Variants in SLC4A2 observed in about 807,000 individuals in gnomAD.
SLC4A2 encodes solute carrier family 4 member 2, also known as anion exchange protein 2.
In SLC4A2, 36 loss-of-function variants were observed where a neutral mutation model predicts 115.0. The ratio of observed to expected loss-of-function variants is 0.31; its 90% CI spans 0.24 to 0.41. The LOEUF (loss-of-function observed/expected upper bound fraction) is 0.41, where lower values mean the gene tolerates loss of function less well. Among genes scored for constraint, SLC4A2 ranks in the 10% least tolerant of loss-of-function variants. The probability of loss-of-function intolerance (pLI) is 1.00; values close to 1 mark genes in which losing one functional copy is unlikely to be tolerated. For missense variants in SLC4A2, 1,252 were observed against 1,705.6 expected, an observed-to-expected ratio of 0.73 and a Z score of 4.68; for synonymous variants, 708 against 708.3, an observed-to-expected ratio of 1.00 and a Z score of 0.01.
In SLC4A2 at chr7:151,074,798, A is replaced by G. The variant is rs373144126; in HGVS notation, c.3004A>G (p.Ile1002Val). Residue 1002 changes from isoleucine to valine, a missense_variant, in exon 19 of 23, where the codon ATC becomes GTC. This residue lies in a region of SLC4A2 where 253 missense variants were observed against 407.4 expected (regional missense o/e 0.62). Transcript: ENST00000413384. ...WMMVASLLPA[I>V]LVFILIFMET... Reference sequence around the variant, plus strand: ...GATGGTTGCCAGCCTGCTGCCCGCCATCCTGGTCTTCATTCTCATCTTCAT... The same window carrying G: ...GATGGTTGCCAGCCTGCTGCCCGCCGTCCTGGTCTTCATTCTCATCTTCAT... The G allele has an allele frequency of 1.7e-5, 28 of 1,613,374 alleles. No individual in the cohort carries two copies. Among genetic ancestry groups the G allele is most frequent in the East Asian group, 8.9e-5 (4 of 44,874 alleles).
At chr7:151,075,978 G>A (rs1000073954) in intron 21 of SLC4A2, 35 bp from the exon 22 acceptor site, 10 of 1,550,722 alleles carry the variant, frequency 6.4e-6, no homozygotes, top group Non-Finnish European at 8.7e-6. Context: ...AGCAGGCTAG[G>A]GAGGAAGCTG....
chr7:151,063,192 GGGGGCTGTGGGGGTGGGGTGAGGGGT>G, intron 2 of SLC4A2: 1 of 1,441,424 alleles, frequency 6.9e-7, no homozygotes, highest in Non-Finnish European at 9.1e-7. Context: ...TGACTCAGGT[GGGGGCTGTGGGGGTGGGGTGAGGGGT>G]GGGGCTAGGG....
chr7:151,067,858 C>T lies in SLC4A2; in HGVS notation c.967-16C>T. ...CCGGCTCTGTACCCTGAAATGCCTTCTCTTCTCTCCCCAAGGTGTTTGTGG... is the reference window on the plus strand; with the variant it reads ...CCGGCTCTGTACCCTGAAATGCCTTTTCTTCTCTCCCCAAGGTGTTTGTGG... On this transcript the variant is annotated splice_polypyrimidine_tract_variant and intron_variant, in intron 7 of 22. Transcript: ENST00000413384. 6.2e-7 allele frequency: 1 copy of T among 1,611,534 alleles called. No individual in the cohort carries two copies. The highest frequency in any genetic ancestry group is 8.5e-7 in the Non-Finnish European group (1 of 1,179,158).
At chr7:151,061,072 ACAGT>A (rs2150364686) in intron 1 of SLC4A2, 3 of 151,786 alleles carry the variant, frequency 2.0e-5, no homozygotes, top group African/African-American at 7.3e-5. Flanking sequence ...CCCTACAGTC[ACAGT>A]CAGGAGGGTG....
At position 151,075,798 on chromosome 7, in the gene SLC4A2, G is replaced by A. The variant is rs746854601; in HGVS notation, c.3471+23G>A. ...AAGGTGAGCCCCCCAGCTCCCCACC[G>A]GAAGGGGTGTGCCTCTGGCCATCCT... On this transcript the variant is annotated intron_variant, in intron 21 of 22. Coordinates refer to ENST00000413384, the MANE Select transcript of SLC4A2 (RefSeq NM_003040.4). 2.8e-5 allele frequency: 44 copies of A among 1,591,898 alleles called. 1 individual carries two copies. Among genetic ancestry groups the A allele is most frequent in the Admixed American group, 6.8e-5 (4 of 58,928 alleles).
At chr7:151,073,872 G>A in intron 16 of SLC4A2, 167 bp from the exon 17 acceptor site, 1 of 724,262 alleles carries the variant, frequency 1.4e-6, no homozygotes, top group South Asian at 1.9e-5. Flanking sequence ...ACACTGCCCT[G>A]TGCTCACAGC....
In SLC4A2 at chr7:151,070,732, G is replaced by A. The variant is rs377555520; in HGVS notation, c.1570G>A (p.Val524Met). 1.5e-5 allele frequency: 25 copies of A among 1,613,170 alleles called. No homozygotes were observed. The highest frequency in any genetic ancestry group is 8.3e-5 in the Admixed American group (5 of 60,002). Residue 524 changes from valine (V) to methionine (M), a missense_variant, in exon 12 of 23, where the codon GTG becomes ATG. Transcript: ENST00000413384. ...AEATVVLVGC[V>M]EFLSRPTMAF... ...CGATGGTCCCACGCCCCTAGGCTGC[G>A]TGGAGTTCCTCTCCCGCCCCACCAT...
chr7:151,069,853 C>T (rs1797369894), intron 8 of SLC4A2, 94 bp from the exon 9 acceptor site: 2 of 1,504,942 alleles, frequency 1.3e-6, no homozygotes, highest in Non-Finnish European at 1.8e-6. Flanking sequence ...CCCCGGCACC[C>T]ACCCACCTGT....
intron 8 of SLC4A2, among the ~76,000 whole-genome samples, chr7:151,069,619 G>A (rs574857694): frequency 2.6e-5 from 4 of 152,276 alleles, no homozygotes; most frequent in African/African-American, 9.6e-5. Flanking sequence ...CAGAGTGGGC[G>A]GCCTGGACCG....
intron 2 of SLC4A2, among the ~76,000 whole-genome samples, chr7:151,063,882 C>G (rs1204202736): frequency 6.6e-6 from 1 of 152,130 alleles, no homozygotes; most frequent in Non-Finnish European, 1.5e-5. Flanking sequence ...GTGTCCGCCA[C>G]CACGCCTGGC....
At position 151,064,908 on chromosome 7, in the gene SLC4A2, C is replaced by T. The variant is rs1279269694; in HGVS notation, c.520C>T (p.Pro174Ser). 3 of 1,613,870 alleles carry T rather than the reference C, an allele frequency of 1.9e-6. No individual in the cohort carries two copies. The highest frequency in any genetic ancestry group is 2.5e-6 in the Non-Finnish European group (3 of 1,179,996). The change falls in exon 5 of 23, where the codon CCT becomes TCT. Residue 174 changes from proline to serine, a missense_variant. This residue lies in a region of SLC4A2 where 215 missense variants were observed against 205.2 expected (regional missense o/e 1.05). Transcript: ENST00000413384. ...GGCAGAGAGGACCAGTCCATCTTCC[C>T]CTGCACCACTGCCCCACCAGGAGGC... ...RKAERTSPSSPAPLPHQEATP... is the reference protein window; with the variant it reads ...RKAERTSPSSSAPLPHQEATP...
chr7:151,062,666 G>A, intron 2 of SLC4A2: 1 of 1,519,816 alleles, frequency 6.6e-7, no homozygotes, highest in Non-Finnish European at 8.8e-7. Context: ...GGCCTCAGGT[G>A]CGAGGGGTCT....
intron 5 of SLC4A2, among the ~76,000 whole-genome samples, chr7:151,065,605 G>T (rs1338503059): frequency 6.6e-6 from 1 of 152,234 alleles, no homozygotes; most frequent in Non-Finnish European, 1.5e-5. Context: ...TGTTTTCTGG[G>T]TGCCAGGCAG....
chr7:151,070,360 C>T lies in SLC4A2; in HGVS notation c.1449+14C>T. 2 of 1,609,410 alleles carry T rather than the reference C, an allele frequency of 1.2e-6. No individual in the cohort carries two copies. Among genetic ancestry groups the T allele is most frequent in the Non-Finnish European group, 1.7e-6 (2 of 1,177,258 alleles). On this transcript the variant is annotated intron_variant, in intron 10 of 22. Coordinates refer to ENST00000413384, the MANE Select transcript of SLC4A2 (RefSeq NM_003040.4). The stretch of plus-strand genomic sequence containing the variant: ...GTGGAGCGAGAGGTGAGGGGAGAAC[C>T]AGCCCTGCCTGGGCTGGCGGCAGGG...
chr7:151,075,027 A>G, intron 19 of SLC4A2, 186 bp downstream of exon 19: 1 of 870,694 alleles, frequency 1.1e-6, no homozygotes, highest in Admixed American at 2.1e-5. Flanking sequence ...CAGGAACAGC[A>G]CGTGGAGGGG....
chr7:151,070,160 C>T (rs1584992921), intron 9 of SLC4A2, 21 bp from the exon 10 acceptor site: 8 of 1,614,110 alleles, frequency 5.0e-6, no homozygotes, highest in Middle Eastern at 1.6e-4. Context: ...TCCTTTGCCT[C>T]ACTGCCCTCT....
chr7:151,064,194 C>T lies in SLC4A2; in HGVS notation c.52-8C>T, dbSNP rs372693118. On this transcript the variant is annotated splice_region_variant and splice_polypyrimidine_tract_variant and intron_variant, in intron 2 of 22. Coordinates refer to ENST00000413384, the MANE Select transcript of SLC4A2 (RefSeq NM_003040.4). ...CTGTGTGTTTTCTCTCTGCCTTCTT[C>T]CTCACAGCCAGAGCCAGAGAGCTTG... 3.2e-5 allele frequency: 51 copies of T among 1,610,718 alleles called. No individual in the cohort carries two copies. The highest frequency in any genetic ancestry group is 3.8e-5 in the Non-Finnish European group (45 of 1,178,872).
rs544693593 is a variant in SLC4A2, at chr7:151,062,994, C to T, written c.51+956C>T. 2.8e-4 allele frequency: 394 copies of T among 1,427,194 alleles called. No homozygotes were observed. In the African/African-American group the frequency reaches 5.3e-3, roughly 19 times the overall value. 88.4% of individuals were successfully genotyped at this position (1,427,194 alleles called of 1,614,324 possible). On this transcript the variant is annotated intron_variant, in intron 2 of 22. Coordinates refer to ENST00000413384, the MANE Select transcript of SLC4A2 (RefSeq NM_003040.4). ...TGCATACCCCCGCCCTTGGAGATCC[C>T]GATGCCCTTCAGGTCCAGAAGCTCT...
Position 151,070,878 on chromosome 7 carries a change from C to T in SLC4A2, c.1716C>T (p.Ile572=), listed in dbSNP as rs1041082564. The change falls in exon 12 of 23, where the codon ATC becomes ATT. Residue 572 remains isoleucine (I), a synonymous_variant. Coordinates refer to ENST00000413384, the MANE Select transcript of SLC4A2 (RefSeq NM_003040.4). ...GTGCCAACATGGACTACCACGAGAT[C>T]GGCCGCTCCATCTCCACCCTCATGT... ...PSSANMDYHE[I]GRSISTLMSD... The T allele has an allele frequency of 2.5e-6, 4 of 1,613,280 alleles. No homozygotes were observed. The highest frequency in any genetic ancestry group is 1.6e-4 in the Middle Eastern group (1 of 6,084).
Sources: allele counts gnomAD v4.1 joint callset (sites outside exome capture counted in the v4.1 genomes callset), GRCh38; gene constraint gnomAD v4.1.1; regional missense constraint gnomAD v4.1.1; transcripts MANE v1.5; gene names NCBI Gene and HGNC (gene_info 2026-07-23, HGNC 2026-07-21).